The following TFCP2 variants were observed in gnomAD, a reference collection of about 807,000 sequenced individuals.
TFCP2 encodes the protein alpha-globin transcription factor CP2.
A neutral mutation model predicts 73.4 loss-of-function variants in TFCP2; 33 were observed. The observed-to-expected ratio is 0.45, with a 90% CI of 0.34 to 0.60. The LOEUF is 0.60. Ranked by LOEUF, TFCP2 falls within the 20% of genes least tolerant of loss-of-function variation. The pLI, the probability that TFCP2 is intolerant of heterozygous loss-of-function variation, is 0.01. For missense variants in TFCP2, 352 were observed against 604.0 expected (o/e 0.58, Z 4.37); for synonymous variants, 193 against 211.6 (o/e 0.91, Z 0.76).
chr12:51,146,765 C>G (rs1403869587), intron 1 of TFCP2, among the ~76,000 whole-genome samples: 2 of 152,172 alleles, frequency 1.3e-5, no homozygotes, highest in African/African-American at 4.8e-5. Context: ...TTTCTGTGTT[C>G]TGAATTCCTA....
intron 10 of TFCP2, 29 bp downstream of exon 10, chr12:51,103,641 G>C: frequency 1.3e-6 from 2 of 1,590,926 alleles, no homozygotes; most frequent in Non-Finnish European, 1.7e-6. Flanking sequence ...TTTCATGCTA[G>C]GGAAAACAAA....
chr12:51,111,271 G>A (rs553907411), intron 4 of TFCP2, among the ~76,000 whole-genome samples: 4 of 152,142 alleles, frequency 2.6e-5, no homozygotes, highest in African/African-American at 9.6e-5. Context: ...TGCCTCCTGA[G>A]TAGCTGGGAT....
At chr12:51,136,034 C>T (rs1404934917) in intron 1 of TFCP2, among the ~76,000 whole-genome samples, 1 of 151,842 alleles carries the variant, frequency 6.6e-6, no homozygotes, top group Non-Finnish European at 1.5e-5. Context: ...TGGCCGGGCG[C>T]GGTGGCTCAT....
At chr12:51,102,292 C>T (rs771420094) in intron 10 of TFCP2, among the ~76,000 whole-genome samples, 2 of 152,130 alleles carry the variant, frequency 1.3e-5, no homozygotes, top group Non-Finnish European at 2.9e-5. Context: ...AAATAACCTT[C>T]CACTATCTAA....
intron 4 of TFCP2, among the ~76,000 whole-genome samples, chr12:51,115,064 G>GAAAAAAGAA: frequency 1.5e-5 from 1 of 68,056 alleles, no homozygotes. Context: ...TCCATCTCAG[G>GAAAAAAGAA]AAAAAAAAAA....
Position 51,121,293 on chromosome 12 carries a change from C to T in TFCP2, c.123-2521G>A, listed in dbSNP as rs141090441. 2.0e-3 allele frequency among the ~76,000 whole-genome samples: 305 copies of T among 151,488 alleles called. 1 individual carries two copies. Among genetic ancestry groups the T allele is most frequent in the African/African-American group, 7.0e-3 (291 of 41,428 alleles). On this transcript the variant is annotated intron_variant, in intron 1 of 14. Transcript: ENST00000257915. Reference sequence around the variant, plus strand: ...AAAATTAGCCGGGCGCGTTGGCGCGCGCCTAGTCCCAGCTACTTGGGAGGC... The same window carrying T: ...AAAATTAGCCGGGCGCGTTGGCGCGTGCCTAGTCCCAGCTACTTGGGAGGC...
chr12:51,126,589 A>C (rs1940824759), intron 1 of TFCP2, among the ~76,000 whole-genome samples: 1 of 152,192 alleles, frequency 6.6e-6, no homozygotes, highest in African/African-American at 2.4e-5. Context: ...AAAAGGGAGA[A>C]GGAGAGGGTT....
intron 1 of TFCP2, among the ~76,000 whole-genome samples, chr12:51,145,200 CAA>C (rs55642619): frequency 0.14 from 15,260 of 109,706 alleles, 1,187 homozygotes; most frequent in East Asian, 0.48. Flanking sequence ...GACTTCATCT[CAA>C]AAAAAAAAAA....
chr12:51,124,584 T>A, intron 1 of TFCP2: 1 of 501,392 alleles, frequency 2.0e-6, no homozygotes, highest in Middle Eastern at 3.0e-4. Flanking sequence ...GGGTGGGCCC[T>A]CATGGGGCAG....
intron 1 of TFCP2, among the ~76,000 whole-genome samples, chr12:51,144,193 T>C (rs1941244091): frequency 6.6e-6 from 1 of 152,052 alleles, no homozygotes; most frequent in Non-Finnish European, 1.5e-5. Context: ...CCACCACACC[T>C]GGCTAATTTT....
intron 12 of TFCP2, among the ~76,000 whole-genome samples, chr12:51,099,161 T>C (rs960360271): frequency 1.3e-5 from 2 of 152,160 alleles, no homozygotes; most frequent in Non-Finnish European, 2.9e-5. Context: ...GAGATATTAG[T>C]TGTAAATATT....
At chr12:51,096,713 A>T (rs1411054566) in intron 13 of TFCP2, among the ~76,000 whole-genome samples, 1 of 152,184 alleles carries the variant, frequency 6.6e-6, no homozygotes, top group Non-Finnish European at 1.5e-5. Flanking sequence ...ATAATTCTGA[A>T]GTATAATCTA....
intron 1 of TFCP2, among the ~76,000 whole-genome samples, chr12:51,123,759 A>T (rs1471745024): frequency 6.6e-6 from 1 of 152,180 alleles, no homozygotes; most frequent in African/African-American, 2.4e-5. Context: ...GCTATTTGAA[A>T]GGAAGACTTC....
At chr12:51,170,677 C>A (rs1941841462) in intron 1 of TFCP2, among the ~76,000 whole-genome samples, 1 of 151,140 alleles carries the variant, frequency 6.6e-6, no homozygotes, top group Non-Finnish European at 1.5e-5. Flanking sequence ...GTATTAAATT[C>A]TCTCCCCCTT....
At chr12:51,124,980 A>C (rs1181964363) in intron 1 of TFCP2, 1 of 736,962 alleles carries the variant, frequency 1.4e-6, no homozygotes, top group Non-Finnish European at 2.5e-6. Flanking sequence ...CCTGGAGACC[A>C]GCTCTCTCTG....
intron 1 of TFCP2, among the ~76,000 whole-genome samples, chr12:51,155,600 T>C (rs1250277091): frequency 6.6e-6 from 1 of 152,222 alleles, no homozygotes; most frequent in Non-Finnish European, 1.5e-5. Flanking sequence ...GGTAGCATCT[T>C]GGAGTTTTGA....
intron 1 of TFCP2, among the ~76,000 whole-genome samples, chr12:51,146,291 C>A (rs1031519587): frequency 6.6e-6 from 1 of 151,534 alleles, no homozygotes; most frequent in African/African-American, 2.4e-5. Flanking sequence ...CTGGGTGACA[C>A]GGCGAGATCC....
At chr12:51,166,118 C>T (rs546378641) in intron 1 of TFCP2, among the ~76,000 whole-genome samples, 81 of 152,040 alleles carry the variant, frequency 5.3e-4, no homozygotes, top group African/African-American at 1.9e-3. Flanking sequence ...AGTTTGAGAC[C>T]AGCCTGGCTA....
At position 51,137,540 on chromosome 12, in the gene TFCP2, A is replaced by G. The variant is rs569317945; in HGVS notation, c.123-18768T>C. Among the ~76,000 whole-genome samples the G allele has an allele frequency of 3.3e-5, 5 of 152,256 alleles. No individual in the cohort carries two copies. The South Asian group carries it at 1.0e-3, about 32-fold the overall frequency. On this transcript the variant is annotated intron_variant, in intron 1 of 14. Transcript: ENST00000257915. ...ACCTTCTTAGTTTTTTTCATACATT[A>G]TAGGATTAGCATTTACCAGCCTACA...
Sources: gnomAD v4.1 joint callset for allele counts (sites outside exome capture counted in the v4.1 genomes callset) on GRCh38, gnomAD v4.1.1 for gene constraint, MANE v1.5 for transcripts, NCBI Gene and HGNC (gene_info 2026-07-23, HGNC 2026-07-21) for gene names.